The following CANX variants were observed in gnomAD, a reference collection of about 807,000 sequenced individuals.
CANX encodes the protein calnexin, also known as epididymis secretory sperm binding protein.
CANX carries 14 observed loss-of-function variants against 75.7 expected under a neutral mutation model. The observed-to-expected ratio is 0.19, with a 90% CI of 0.12 to 0.29. The LOEUF is 0.29. Ranked by LOEUF, CANX falls within the 10% of genes least tolerant of loss-of-function variation. CANX has a pLI of 1.00. For synonymous variants in CANX, 227 were observed against 236.9 expected, an observed-to-expected ratio of 0.96 and a Z score of 0.38; for missense variants, 567 against 713.2, an observed-to-expected ratio of 0.79 and a Z score of 2.34.
intron 1 of CANX, chr5:179,699,859 C>T (rs1281263859): frequency 3.9e-5 from 6 of 152,254 alleles, no homozygotes; most frequent in Non-Finnish European, 7.3e-5. Flanking sequence ...GTGGTTAACG[C>T]TAAGGCCCTG....
intron 1 of CANX, among the ~76,000 whole-genome samples, chr5:179,691,408 G>A (rs1581821819): frequency 6.6e-6 from 1 of 152,054 alleles, no homozygotes; most frequent in Non-Finnish European, 1.5e-5. Context: ...AGACCAAGCT[G>A]AGTAAAAAAG....
At chr5:179,687,078 G>A (rs1776202444) in intron 1 of CANX, among the ~76,000 whole-genome samples, 1 of 151,934 alleles carries the variant, frequency 6.6e-6, no homozygotes, top group Non-Finnish European at 1.5e-5. Flanking sequence ...CACCCGGCCT[G>A]CAGTTTTTTT....
At chr5:179,691,856 C>T (rs528750187) in intron 1 of CANX, among the ~76,000 whole-genome samples, 1 of 152,224 alleles carries the variant, frequency 6.6e-6, no homozygotes, top group South Asian at 2.1e-4. Flanking sequence ...CAGCTCACTG[C>T]AAGCTCTGCC....
At chr5:179,704,158 T>G (rs1196072025) in intron 1 of CANX, 1 of 152,182 alleles carries the variant, frequency 6.6e-6, no homozygotes, top group African/African-American at 2.4e-5. Context: ...TCTTTAGATC[T>G]GTGGTCCTCC....
rs746646458 is a variant in CANX at position 179,720,353 on chromosome 5, T to A, written c.1026-51T>A. Reference sequence around the variant, plus strand: ...CAGCCCTGGGCCAGCCAGCTGTTCATAGTCCTGCATCACAGAACCTGTTTA... The same window carrying A: ...CAGCCCTGGGCCAGCCAGCTGTTCAAAGTCCTGCATCACAGAACCTGTTTA... On this transcript the variant is annotated intron_variant, in intron 9 of 14. Transcript: ENST00000247461. The A allele has an allele frequency of 1.8e-5, 27 of 1,509,604 alleles. No individual in the cohort carries two copies. The East Asian group carries it at 5.9e-4, about 33-fold the overall frequency. The allele number at this position is 1,509,604 out of a possible 1,614,324, so 93.5% of individuals were successfully genotyped here.
chr5:179,695,491 G>C (rs566196604), upstream of CANX, among the ~76,000 whole-genome samples: 2 of 151,486 alleles, frequency 1.3e-5, no homozygotes, highest in Non-Finnish European at 2.9e-5. Flanking sequence ...CACCATGCCC[G>C]GCTAATTTTG....
At chr5:179,678,793 C>T (rs1271919907) in intron 1 of CANX, 2 of 1,536,972 alleles carry the variant, frequency 1.3e-6, no homozygotes, top group Non-Finnish European at 8.7e-7. Context: ...TGTTCTCCTC[C>T]AGCAACACTT....
At chr5:179,693,456 C>T (rs374723273), upstream of CANX, among the ~76,000 whole-genome samples, 2 of 69,070 alleles carry the variant, frequency 2.9e-5, no homozygotes, top group Non-Finnish European at 4.0e-5. Flanking sequence ...AGTGGATCAC[C>T]TGAGCTTAGA....
intron 1 of CANX, among the ~76,000 whole-genome samples, chr5:179,702,340 C>T (rs1050892533): frequency 4.6e-5 from 7 of 152,066 alleles, no homozygotes; most frequent in African/African-American, 1.4e-4. Context: ...GCGCGAGCCA[C>T]GATGCCAACC....
chr5:179,694,736 AGAC>A (rs1391236273), upstream of CANX: 3 of 672,974 alleles, frequency 4.5e-6, no homozygotes, highest in Non-Finnish European at 8.1e-6. Flanking sequence ...AGGAAGATGA[AGAC>A]GAGGAGGAGA....
chr5:179,706,451 A>G lies in CANX; in HGVS notation c.245+120A>G. 5.6e-6 allele frequency: 3 copies of G among 531,076 alleles called. No homozygotes were observed. In the Admixed American group the frequency reaches 1.1e-4, roughly 19 times the overall value. The allele number at this position is 531,076 out of a possible 1,614,324, so 32.9% of individuals were successfully genotyped here. On this transcript the variant is annotated intron_variant, in intron 3 of 14. Transcript: ENST00000247461. ...TGTCTAACTTTATTTTATTTTATTTATTTATTTTTTGAGACAGAATTTCGC... is the reference window on the plus strand; with the variant it reads ...TGTCTAACTTTATTTTATTTTATTTGTTTATTTTTTGAGACAGAATTTCGC...
intron 1 of CANX, chr5:179,679,147 G>T: frequency 6.5e-7 from 1 of 1,535,584 alleles, no homozygotes; most frequent in Non-Finnish European, 8.7e-7. Flanking sequence ...CCAGGGCGTG[G>T]ACCTTGTAGG....
At chr5:179,696,267 C>CT (rs34048949), upstream of CANX, among the ~76,000 whole-genome samples, 3,719 of 56,936 alleles carry the variant, frequency 0.065, 219 homozygotes, top group African/African-American at 0.16. Flanking sequence ...AGTGTCATTT[C>CT]TTTTTTTTTT....
chr5:179,725,417 C>G (rs1413265570), intron 13 of CANX, among the ~76,000 whole-genome samples: 1 of 152,000 alleles, frequency 6.6e-6, no homozygotes, highest in African/African-American at 2.4e-5. Flanking sequence ...TGCGGTGGCT[C>G]ACGCCTGTAA....
chr5:179,692,492 G>C (rs1214340272), intron 1 of CANX, among the ~76,000 whole-genome samples: 3 of 151,982 alleles, frequency 2.0e-5, no homozygotes, highest in Non-Finnish European at 4.4e-5. Context: ...ATGATCACTT[G>C]GAGCAGCCCC....
At position 179,709,059 on chromosome 5, in the gene CANX, G is replaced by A; in HGVS notation, c.528G>A (p.Leu176=). 6.5e-7 allele frequency: 1 copy of A among 1,541,626 alleles called. No individual in the cohort carries two copies. The highest frequency in any genetic ancestry group is 9.0e-7 in the Non-Finnish European group (1 of 1,113,880). ...TTTCTAAAACACCAGAACTCAACCT[G>A]GTATGTAATTCCCATTTCTGGAATG... ...KLLSKTPELN[L]DQFHDKTPYT... Residue 176 remains leucine, a splice_region_variant and synonymous_variant, in exon 6 of 15, where the codon CTG becomes CTA. Coordinates refer to ENST00000247461, the MANE Select transcript of CANX (RefSeq NM_001746.4).
chr5:179,684,309 CTG>C (rs1776143045), intron 1 of CANX, among the ~76,000 whole-genome samples: 4 of 151,846 alleles, frequency 2.6e-5, no homozygotes, highest in African/African-American at 9.7e-5. Context: ...TCTCAGACTC[CTG>C]GGCTCAAGGG....
intron 1 of CANX, among the ~76,000 whole-genome samples, chr5:179,702,848 C>A (rs974362680): frequency 6.6e-6 from 1 of 151,860 alleles, no homozygotes; most frequent in Non-Finnish European, 1.5e-5. Context: ...ACTCACACTG[C>A]AAACTCCACT....
chr5:179,725,276 G>T (rs910416409), intron 13 of CANX, among the ~76,000 whole-genome samples: 1 of 151,736 alleles, frequency 6.6e-6, no homozygotes, highest in East Asian at 1.9e-4. Context: ...GTGTGATCTC[G>T]GTTCACTGCA....
Sources: gnomAD v4.1 joint callset for allele counts (sites outside exome capture counted in the v4.1 genomes callset) on GRCh38, gnomAD v4.1.1 for gene constraint, MANE v1.5 for transcripts, NCBI Gene and HGNC (gene_info 2026-07-23, HGNC 2026-07-21) for gene names.